DLGAP2: variants seen among roughly 807,000 people sequenced by gnomAD.
DLGAP2 encodes the protein disks large-associated protein 2.
DLGAP2 carries 26 observed loss-of-function variants against 100.3 expected under a neutral mutation model. The ratio of observed to expected loss-of-function variants is 0.26; its 90% CI spans 0.19 to 0.36. The LOEUF (loss-of-function observed/expected upper bound fraction) is 0.36, where lower values mean the gene tolerates loss of function less well. DLGAP2 is among the 10% of genes least tolerant of loss of function. The pLI is 1.00. For synonymous variants in DLGAP2, 886 were observed against 630.1 expected (o/e 1.41, Z -6.08); for missense variants, 1,858 against 1,453.2 (o/e 1.28, Z -4.53).
At chr8:858,889 A>G (rs1441477467) in intron 1 of DLGAP2, among the ~76,000 whole-genome samples, 2 of 152,272 alleles carry the variant, frequency 1.3e-5, no homozygotes, top group African/African-American at 4.8e-5. Flanking sequence ...TGGACTTAAT[A>G]ATTATCAATA....
intron 6 of DLGAP2, among the ~76,000 whole-genome samples, chr8:1,590,153 G>A (rs1449578540): frequency 6.6e-6 from 1 of 152,106 alleles, no homozygotes; most frequent in African/African-American, 2.4e-5. Context: ...TCTCATAAGA[G>A]CACTGTCATC....
At chr8:923,203 C>T (rs1458341076) in intron 2 of DLGAP2, among the ~76,000 whole-genome samples, 1 of 151,798 alleles carries the variant, frequency 6.6e-6, no homozygotes, top group Non-Finnish European at 1.5e-5. Flanking sequence ...TCTTGGCGGA[C>T]AGGCTTTCTC....
chr8:890,865 C>A (rs1357508248), intron 1 of DLGAP2, among the ~76,000 whole-genome samples: 1 of 152,160 alleles, frequency 6.6e-6, no homozygotes, highest in East Asian at 1.9e-4. Flanking sequence ...CATGACAACC[C>A]TGTTGCATGG....
chr8:1,185,706 C>A (rs1039224170), intron 2 of DLGAP2, among the ~76,000 whole-genome samples: 1 of 100,644 alleles, frequency 9.9e-6, no homozygotes, highest in Non-Finnish European at 1.8e-5. Flanking sequence ...CACACACTCA[C>A]ACTCACACAC....
intron 1 of DLGAP2, chr8:822,049 C>G: frequency 2.5e-6 from 1 of 398,746 alleles, no homozygotes; most frequent in Non-Finnish European, 4.4e-6. Context: ...GTTATTTACC[C>G]TTTTTATCAC....
intron 2 of DLGAP2, among the ~76,000 whole-genome samples, chr8:1,176,288 A>G (rs13254037): frequency 0.33 from 50,789 of 151,938 alleles, 9,860 homozygotes; most frequent in Non-Finnish European, 0.43. Flanking sequence ...CATGGGGAAA[A>G]CCGTCCCTGT....
chr8:1,011,884 C>T (rs1210743269), intron 2 of DLGAP2, among the ~76,000 whole-genome samples: 4 of 152,294 alleles, frequency 2.6e-5, no homozygotes, highest in East Asian at 3.9e-4. Context: ...TGTGGATGGA[C>T]GTTTTCCCAG....
In DLGAP2 at chr8:1,083,110, T is replaced by C. The variant is rs1444374905; in HGVS notation, c.73+175144T>C. Among the ~76,000 whole-genome samples, 5 of 152,190 alleles carry C rather than the reference T, an allele frequency of 3.3e-5. No homozygotes were observed. The East Asian group carries it at 9.6e-4, about 29-fold the overall frequency. Reference sequence around the variant, plus strand: ...GTGATCAGTTACACAGTTATCTGTGTGTGAGAGAGGAGTATTTTTTCTTCA... The same window carrying C: ...GTGATCAGTTACACAGTTATCTGTGCGTGAGAGAGGAGTATTTTTTCTTCA... On this transcript the variant is annotated intron_variant, in intron 2 of 14. Transcript: ENST00000637795.
intron 1 of DLGAP2, among the ~76,000 whole-genome samples, chr8:755,258 A>C (rs978920835): frequency 1.3e-5 from 2 of 152,132 alleles, no homozygotes; most frequent in African/African-American, 4.8e-5. Flanking sequence ...CAGGAGTTTG[A>C]GACAAGCTTG....
At chr8:1,135,261 C>T (rs1458323956) in intron 2 of DLGAP2, among the ~76,000 whole-genome samples, 4 of 152,088 alleles carry the variant, frequency 2.6e-5, no homozygotes, top group Non-Finnish European at 5.9e-5. Flanking sequence ...ATTTTCCAAG[C>T]TGCCTAAGGA....
chr8:1,423,297 C>T (rs1175146943), intron 3 of DLGAP2, among the ~76,000 whole-genome samples: 1 of 152,094 alleles, frequency 6.6e-6, no homozygotes, highest in South Asian at 2.1e-4. Flanking sequence ...CCTGCTCAGT[C>T]CATGGGACAG....
At chr8:1,668,789 C>T (rs895422076) in intron 9 of DLGAP2, 111 bp downstream of exon 9, 7 of 999,092 alleles carry the variant, frequency 7.0e-6, no homozygotes, top group Non-Finnish European at 1.0e-5. Flanking sequence ...TGACTGTAAC[C>T]CCAGCAGGGC....
intron 2 of DLGAP2, among the ~76,000 whole-genome samples, chr8:1,025,005 C>G (rs756544758): frequency 6.6e-6 from 1 of 152,090 alleles, no homozygotes; most frequent in African/African-American, 2.4e-5. Context: ...TAGCCGTTCT[C>G]TCTCTCTCTG....
intron 2 of DLGAP2, among the ~76,000 whole-genome samples, chr8:1,188,106 A>T (rs1302848204): frequency 7.5e-6 from 1 of 132,734 alleles, no homozygotes; most frequent in Non-Finnish European, 1.6e-5. Flanking sequence ...CACACCCGGG[A>T]CCTCCGTGAC....
chr8:1,166,416 C>G (rs987957497), intron 2 of DLGAP2, among the ~76,000 whole-genome samples: 11 of 152,224 alleles, frequency 7.2e-5, no homozygotes, highest in African/African-American at 2.4e-4. Flanking sequence ...CTTCTGATAG[C>G]TCAAGCTCTT....
chr8:1,128,824 A>C (rs1363963745), intron 2 of DLGAP2, among the ~76,000 whole-genome samples: 2 of 152,226 alleles, frequency 1.3e-5, no homozygotes, highest in Non-Finnish European at 2.9e-5. Context: ...AGCTCATTGT[A>C]AAGTGTTGGA....
Position 1,460,126 on chromosome 8 carries a change from G to A in DLGAP2, c.107-41240G>A, listed in dbSNP as rs571387944. Among the ~76,000 whole-genome samples, 35 of 152,288 alleles carry A rather than the reference G, an allele frequency of 2.3e-4. No individual in the cohort carries two copies. The South Asian group carries it at 4.6e-3, about 20-fold the overall frequency. On this transcript the variant is annotated intron_variant, in intron 3 of 14. Transcript: ENST00000637795. ...CTGGCATGTGGCCGGACTCGGTTCTGCGGCCCCGGGCTTCTGTCCACACCA... is the reference window on the plus strand; with the variant it reads ...CTGGCATGTGGCCGGACTCGGTTCTACGGCCCCGGGCTTCTGTCCACACCA...
intron 6 of DLGAP2, among the ~76,000 whole-genome samples, chr8:1,567,337 C>T (rs1802442819): frequency 6.6e-6 from 1 of 152,230 alleles, no homozygotes; most frequent in African/African-American, 2.4e-5. Flanking sequence ...AGAAGCTATG[C>T]TTCGTGGGTC....
intron 1 of DLGAP2, among the ~76,000 whole-genome samples, chr8:812,590 G>C (rs73532304): frequency 0.013 from 2,029 of 152,326 alleles, 59 homozygotes; most frequent in African/African-American, 0.046. Context: ...CTGATAATGA[G>C]ATGCCTGTGA....
Sources: allele counts gnomAD v4.1 joint callset (sites outside exome capture counted in the v4.1 genomes callset), GRCh38; gene constraint gnomAD v4.1.1; transcripts MANE v1.5; gene names NCBI Gene and HGNC (gene_info 2026-07-23, HGNC 2026-07-21).